CMTR1: variants seen among roughly 807,000 people sequenced by gnomAD.
CMTR1 encodes cap-specific mRNA (nucleoside-2'-O-)-methyltransferase 1.
CMTR1 carries 39 observed loss-of-function variants against 107.0 expected under a neutral mutation model. The observed-to-expected ratio is 0.36, with a 90% CI of 0.28 to 0.48. The LOEUF is 0.48. Among genes scored for constraint, CMTR1 ranks in the 20% least tolerant of loss-of-function variants. CMTR1 has a pLI of 0.99. For synonymous variants in CMTR1, 366 were observed against 379.5 expected, an observed-to-expected ratio of 0.96 and a Z score of 0.41; for missense variants, 672 against 1,064.9, an observed-to-expected ratio of 0.63 and a Z score of 5.14.
chr6:37,476,375 C>T (rs1259591500), intron 20 of CMTR1, among the ~76,000 whole-genome samples, 181 bp downstream of exon 20: 1 of 152,098 alleles, frequency 6.6e-6, no homozygotes, highest in Non-Finnish European at 1.5e-5. Flanking sequence ...GAGCATCTCC[C>T]CATCCTGCCT....
In CMTR1 at chr6:37,458,843, G is replaced by A. The variant is rs750172896; in HGVS notation, c.976+33G>A. The A allele has an allele frequency of 7.5e-5, 120 of 1,601,770 alleles. No individual in the cohort carries two copies. Among genetic ancestry groups the A allele is most frequent in the Non-Finnish European group, 9.0e-5 (105 of 1,170,450 alleles). On this transcript the variant is annotated intron_variant, in intron 9 of 23. Coordinates refer to ENST00000373451, the MANE Select transcript of CMTR1 (RefSeq NM_015050.3). The surrounding 1 kb of genome is among the most constrained non-coding windows in gnomAD (Gnocchi z 4.7). ...CATTGAGGAGGGTACTAGGAGGTATGAGGGACAGCCCCTCTATGGGGACTT... is the reference window on the plus strand; with the variant it reads ...CATTGAGGAGGGTACTAGGAGGTATAAGGGACAGCCCCTCTATGGGGACTT...
At chr6:37,428,463 G>C (rs1248882758), upstream of CMTR1, among the ~76,000 whole-genome samples, 1 of 151,874 alleles carries the variant, frequency 6.6e-6, no homozygotes, top group African/African-American at 2.4e-5. Flanking sequence ...TTTTTGTTTT[G>C]TTTTGTTTTT....
intron 8 of CMTR1, among the ~76,000 whole-genome samples, chr6:37,456,359 G>A (rs537699049): frequency 3.4e-4 from 52 of 152,310 alleles, no homozygotes; most frequent in African/African-American, 1.1e-3. Context: ...ATGCTGGGGC[G>A]GCTTAGTAAG....
At position 37,446,422 on chromosome 6, in the gene CMTR1, G is replaced by A. The variant is rs1771796112; in HGVS notation, c.417G>A (p.Leu139=). ...GLTLRGFDQE[L]NVDWRDEPEP... ...CACTCCGGGGCTTTGACCAGGAGCT[G>A]AACGTGGACTGGCGAGATGAGCCAG... The change falls in exon 4 of 24, where the codon CTG becomes CTA. Residue 139 remains leucine, a synonymous_variant. Coordinates refer to ENST00000373451, the MANE Select transcript of CMTR1 (RefSeq NM_015050.3). 6.2e-7 allele frequency: 1 copy of A among 1,613,882 alleles called. No homozygotes were observed. The highest frequency in any genetic ancestry group is 8.5e-7 in the Non-Finnish European group (1 of 1,180,022).
chr6:37,429,447 G>A (rs370536204), upstream of CMTR1, among the ~76,000 whole-genome samples: 4 of 152,116 alleles, frequency 2.6e-5, no homozygotes, highest in African/African-American at 9.7e-5. Context: ...GATTATTTGA[G>A]AAAAGAATCA....
At chr6:37,432,493 G>A (rs139515270), upstream of CMTR1, among the ~76,000 whole-genome samples, 236 of 152,288 alleles carry the variant, frequency 1.5e-3, 1 homozygote, top group Non-Finnish European at 2.7e-3. Flanking sequence ...GGGGATGGGG[G>A]TGAATGGATG....
At chr6:37,461,861 G>C in intron 11 of CMTR1, 109 bp from the exon 12 acceptor site, 1 of 1,265,604 alleles carries the variant, frequency 7.9e-7, no homozygotes, top group South Asian at 1.3e-5. Flanking sequence ...AGTTTTAACA[G>C]ACCCAGGTGC....
At chr6:37,426,969 G>A in the CMTR1 span, among the ~76,000 whole-genome samples, 2 of 152,148 alleles carry the variant, frequency 1.3e-5, no homozygotes, top group African/African-American at 4.8e-5. Flanking sequence ...TCTGTGATAA[G>A]AAGCGGGAAT....
Position 37,481,015 on chromosome 6 carries a change from G to A in CMTR1, c.*870G>A. 1 of 1,303,546 alleles carries A rather than the reference G, an allele frequency of 7.7e-7. No individual in the cohort carries two copies. Among genetic ancestry groups the A allele is most frequent in the Non-Finnish European group, 1.0e-6 (1 of 988,744 alleles). The allele number at this position is 1,303,546 out of a possible 1,614,324, so 80.7% of individuals were successfully genotyped here. On this transcript the variant is annotated 3_prime_UTR_variant, in exon 24 of 24. Transcript: ENST00000373451. ...GTTTGGGTAGCGCTGCCCTCTGGCA[G>A]TCATGCACCGCTGTCTGCCATAGCC...
At chr6:37,476,329 G>T (rs531588388) in intron 20 of CMTR1, 135 bp downstream of exon 20, 1 of 897,284 alleles carries the variant, frequency 1.1e-6, no homozygotes, top group South Asian at 1.5e-5. Context: ...TTGCCATGAA[G>T]TTTGTTTGGG....
At chr6:37,436,646 C>T (rs1430068631) in intron 2 of CMTR1, among the ~76,000 whole-genome samples, 3 of 152,138 alleles carry the variant, frequency 2.0e-5, no homozygotes, top group Non-Finnish European at 1.5e-5. Context: ...CAATCTCTGC[C>T]TCTACCTTTC....
At position 37,446,373 on chromosome 6, in the gene CMTR1, A is replaced by G; in HGVS notation, c.368A>G (p.Lys123Arg). ...RKDIVEASSQ[K>R]GRRGLGLTLR... Reference sequence around the variant, plus strand: ...GACATCGTTGAGGCTTCCAGTCAGAAAGGTCGAAGAGGCTTGGGTCTGACA... The same window carrying G: ...GACATCGTTGAGGCTTCCAGTCAGAGAGGTCGAAGAGGCTTGGGTCTGACA... Residue 123 changes from lysine (K) to arginine (R), a missense_variant, in exon 4 of 24, where the codon AAA becomes AGA. By Grantham distance (26) the Lys-to-Arg change is conservative. Transcript: ENST00000373451. 1.2e-6 allele frequency: 2 copies of G among 1,614,190 alleles called. No homozygotes were observed. Among genetic ancestry groups the G allele is most frequent in the Middle Eastern group, 3.3e-4 (2 of 6,062 alleles).
chr6:37,476,294 G>A, intron 20 of CMTR1, 100 bp downstream of exon 20: 1 of 1,241,246 alleles, frequency 8.1e-7, no homozygotes, highest in East Asian at 2.3e-5. Context: ...CACTAGGCAA[G>A]TGGGTGTTAG....
chr6:37,461,632 C>T lies in CMTR1; in HGVS notation c.1179C>T (p.Ser393=), dbSNP rs1325041886. ...TGTGTCAGTTCCTCATGGCGCTGTC[C>T]ATTGTCCGGACAGGTGACACTTCCT... ...LLLCQFLMAL[S]IVRTGGHFIC... is the part of the protein sequence containing the mutation. The change falls in exon 11 of 24, where the codon TCC becomes TCT. Residue 393 remains serine, a synonymous_variant. Coordinates refer to ENST00000373451, the MANE Select transcript of CMTR1 (RefSeq NM_015050.3). The T allele has an allele frequency of 2.5e-6, 4 of 1,607,566 alleles. No individual in the cohort carries two copies. The highest frequency in any genetic ancestry group is 2.6e-6 in the Non-Finnish European group (3 of 1,175,848).
In CMTR1 at chr6:37,480,101, T is replaced by A. The variant is rs1430377050; in HGVS notation, c.2464T>A (p.Ser822Thr). ...GAAGCCCCAGGACCAGGACAAGCTG[T>A]CCAAGGAGGACGTCCTCTCCTTCAT... is the stretch of plus-strand genomic sequence containing the variant. ...SQKPQDQDKL[S>T]KEDVLSFIQM... is the part of the protein sequence containing the mutation. The change falls in exon 24 of 24, where the codon TCC (serine) becomes ACC (threonine). Residue 822 changes from serine (S) to threonine (T), a missense_variant. Ser to Thr is a moderately conservative substitution (Grantham distance 58). Coordinates refer to ENST00000373451, the MANE Select transcript of CMTR1 (RefSeq NM_015050.3). The A allele has an allele frequency of 3.8e-6, 6 of 1,599,230 alleles. No homozygotes were observed. The highest frequency in any genetic ancestry group is 3.5e-5 in the Admixed American group (2 of 57,546).
chr6:37,431,772 C>T (rs1771380214), upstream of CMTR1, among the ~76,000 whole-genome samples: 1 of 152,138 alleles, frequency 6.6e-6, no homozygotes, highest in African/African-American at 2.4e-5. Flanking sequence ...GAAGCATGAT[C>T]CAGGCAGGGG....
chr6:37,444,045 A>G lies in CMTR1; in HGVS notation c.180A>G (p.Lys60=). 2 of 1,614,150 alleles carry G rather than the reference A, an allele frequency of 1.2e-6. No homozygotes were observed. The highest frequency in any genetic ancestry group is 1.7e-6 in the Non-Finnish European group (2 of 1,180,004). Residue 60 remains lysine, a synonymous_variant, in exon 3 of 24, where the codon AAA becomes AAG. Coordinates refer to ENST00000373451, the MANE Select transcript of CMTR1 (RefSeq NM_015050.3). ...GGTCTGATAGTGAGACCGAGGGGAA[A>G]CAACACAGCTCTGACTCTTTTGACG... ...LSGSDSETEG[K]QHSSDSFDDA... is the part of the protein sequence containing the mutation.
the CMTR1 span, among the ~76,000 whole-genome samples, chr6:37,425,978 T>A: frequency 1.3e-5 from 2 of 152,210 alleles, no homozygotes; most frequent in Non-Finnish European, 2.9e-5. Context: ...TTGTCTTTTT[T>A]ATTTTTGTTC....
intron 4 of CMTR1, among the ~76,000 whole-genome samples, chr6:37,447,900 C>G (rs1224128): frequency 1.3e-5 from 2 of 150,296 alleles, no homozygotes; most frequent in East Asian, 4.0e-4. Flanking sequence ...AGTAAGTAAA[C>G]GTTTGTAAGT....
Sources: allele counts gnomAD v4.1 joint callset (sites outside exome capture counted in the v4.1 genomes callset), GRCh38; gene constraint gnomAD v4.1.1; non-coding constraint Gnocchi (gnomAD v3.1); transcripts MANE v1.5; gene names NCBI Gene and HGNC (gene_info 2026-07-23, HGNC 2026-07-21).